BBS12: variants seen among roughly 807,000 people sequenced by gnomAD.
BBS12 encodes chaperonin-containing T-complex member BBS12.
Under a neutral mutation model 5.6 loss-of-function variants are expected in BBS12, and 5 were observed. The ratio of observed to expected loss-of-function variants is 0.89; its 90% CI spans 0.46 to 1.86. The LOEUF is 1.86. Ranked by LOEUF, BBS12 falls within the 40% of genes most tolerant of loss-of-function variation. BBS12 has a pLI of 0.01. For synonymous variants in BBS12, 308 were observed against 306.8 expected, an observed-to-expected ratio of 1.00 and a Z score of -0.04; for missense variants, 748 against 830.4, an observed-to-expected ratio of 0.90 and a Z score of 1.22.
At chr4:122,739,108 T>C (rs1057319913) in intron 1 of BBS12, among the ~76,000 whole-genome samples, 1 of 152,228 alleles carries the variant, frequency 6.6e-6, no homozygotes, top group African/African-American at 2.4e-5. Context: ...AACTAGAAGC[T>C]GGAGGAAGCA....
intron 1 of BBS12, 127 bp from the exon 2 acceptor site, chr4:122,741,756 C>A: frequency 2.6e-6 from 2 of 762,306 alleles, no homozygotes; most frequent in South Asian, 1.7e-5. Context: ...TATCATTGCA[C>A]TGACCACTTT....
At chr4:122,734,858 G>A (rs1800761900) in intron 1 of BBS12, among the ~76,000 whole-genome samples, 2 of 151,992 alleles carry the variant, frequency 1.3e-5, no homozygotes, top group Non-Finnish European at 2.9e-5. Flanking sequence ...AGCTATTAAC[G>A]AATCTAACTG....
chr4:122,717,038 G>A, the BBS12 span, among the ~76,000 whole-genome samples: 1 of 152,090 alleles, frequency 6.6e-6, no homozygotes, highest in African/African-American at 2.4e-5. Context: ...TAGTGGAGTG[G>A]CCTCCATGCT....
At chr4:122,714,104 G>T in the BBS12 span, among the ~76,000 whole-genome samples, 51 of 152,160 alleles carry the variant, frequency 3.4e-4, no homozygotes, top group East Asian at 8.9e-3. Context: ...GATATTTAAG[G>T]TTAAATGTAG....
At chr4:122,716,644 C>CGCGT in the BBS12 span, among the ~76,000 whole-genome samples, 1 of 95,236 alleles carries the variant, frequency 1.1e-5, no homozygotes, top group African/African-American at 3.6e-5. Context: ...TATATACACA[C>CGCGT]GTGTGTGTAT....
Position 122,741,938 on chromosome 4 carries a change from C to T in BBS12, c.46C>T (p.Leu16Phe). The change falls in exon 2 of 2, where the codon CTT (leucine) becomes TTT (phenylalanine). Residue 16 changes from leucine (L) to phenylalanine (F), a missense_variant. Transcript: ENST00000314218. Reference protein sequence around the residue: ...RVVNKRRHMGLQQLSSFAETG... With the variant: ...RVVNKRRHMGFQQLSSFAETG... Reference sequence around the variant, plus strand: ...CGTAAACAAAAGAAGACACATGGGACTTCAACAACTTTCATCATTCGCGGA... The same window carrying T: ...CGTAAACAAAAGAAGACACATGGGATTTCAACAACTTTCATCATTCGCGGA... The T allele has an allele frequency of 6.2e-7, 1 of 1,613,938 alleles. No homozygotes were observed. The highest frequency in any genetic ancestry group is 8.5e-7 in the Non-Finnish European group (1 of 1,179,922).
At chr4:122,705,757 T>C in the BBS12 span, among the ~76,000 whole-genome samples, 2 of 152,232 alleles carry the variant, frequency 1.3e-5, no homozygotes, top group South Asian at 4.1e-4. Context: ...ATGAGGGGCA[T>C]GTACAGTTAA....
At chr4:122,737,185 C>G (rs1800794683) in intron 1 of BBS12, among the ~76,000 whole-genome samples, 1 of 152,004 alleles carries the variant, frequency 6.6e-6, no homozygotes, top group African/African-American at 2.4e-5. Context: ...AGATCATAAG[C>G]AGAGACCCTG....
the BBS12 span, among the ~76,000 whole-genome samples, chr4:122,709,130 G>A: frequency 2.0e-5 from 3 of 152,118 alleles, no homozygotes; most frequent in East Asian, 5.8e-4. Context: ...ACATAGGGAC[G>A]ATATTACAAA....
At chr4:122,709,077 A>G in the BBS12 span, among the ~76,000 whole-genome samples, 14 of 151,796 alleles carry the variant, frequency 9.2e-5, no homozygotes, top group East Asian at 3.9e-4. Flanking sequence ...GTGTGTGTGT[A>G]TATATATATA....
chr4:122,739,247 T>G (rs1800829588), intron 1 of BBS12, among the ~76,000 whole-genome samples: 1 of 152,218 alleles, frequency 6.6e-6, no homozygotes, highest in African/African-American at 2.4e-5. Flanking sequence ...TTGTTTGTGG[T>G]AATTTGGTAT....
chr4:122,713,086 A>T, the BBS12 span, among the ~76,000 whole-genome samples: 1 of 152,136 alleles, frequency 6.6e-6, no homozygotes, highest in Non-Finnish European at 1.5e-5. Context: ...TCATAGTGAT[A>T]TGTGTTTATA....
At chr4:122,716,904 G>C in the BBS12 span, among the ~76,000 whole-genome samples, 6 of 152,200 alleles carry the variant, frequency 3.9e-5, no homozygotes, top group East Asian at 5.8e-4. Context: ...AATTATGCTA[G>C]ATAAATTAAA....
chr4:122,702,597 A>G, the BBS12 span, among the ~76,000 whole-genome samples: 1 of 152,230 alleles, frequency 6.6e-6, no homozygotes. Flanking sequence ...GCTAAATGCC[A>G]TCAACTGGGC....
At chr4:122,704,693 C>T in the BBS12 span, among the ~76,000 whole-genome samples, 1 of 152,180 alleles carries the variant, frequency 6.6e-6, no homozygotes, top group Admixed American at 6.5e-5. Flanking sequence ...TTTTGATCAG[C>T]CAAAGCTGGG....
rs309358 is a variant in BBS12, at chr4:122,732,771, G to A, written c.-124G>A. The stretch of plus-strand genomic sequence containing the variant: ...CGCACATGCGCAAACTGCGGACGGG[G>A]AACTGGGCTCCCTAGCCCTGGCGTT... On this transcript the variant is annotated 5_prime_UTR_variant, in exon 1 of 2. Transcript: ENST00000314218. 31,207 of 152,466 alleles carry A rather than the reference G, an allele frequency of 0.2. 3,498 individuals are homozygous for A. The highest frequency in any genetic ancestry group is 0.23 in the Non-Finnish European group (15,761 of 68,176). 9.4% of individuals were successfully genotyped at this position (152,466 alleles called of 1,614,324 possible).
At chr4:122,729,196 C>T (rs1343708385), upstream of BBS12, 3 of 152,488 alleles carry the variant, frequency 2.0e-5, no homozygotes, top group African/African-American at 7.2e-5. Flanking sequence ...CCATATGATG[C>T]ACACACTTAA....
chr4:122,736,849 C>A (rs1177834856), intron 1 of BBS12, among the ~76,000 whole-genome samples: 1 of 152,012 alleles, frequency 6.6e-6, no homozygotes, highest in African/African-American at 2.4e-5. Flanking sequence ...CCGACTGTAA[C>A]CTGTTCAAAA....
chr4:122,726,378 A>G, the BBS12 span, among the ~76,000 whole-genome samples: 376 of 152,318 alleles, frequency 2.5e-3, 3 homozygotes, highest in African/African-American at 8.5e-3. Flanking sequence ...ATGCGATACC[A>G]CTTTACTCCT....
Sources: allele counts gnomAD v4.1 joint callset (sites outside exome capture counted in the v4.1 genomes callset), GRCh38; gene constraint gnomAD v4.1.1; transcripts MANE v1.5; gene names NCBI Gene and HGNC (gene_info 2026-07-23, HGNC 2026-07-21).